The following A2ML1 variants were observed in gnomAD, a reference collection of about 807,000 sequenced individuals.
A2ML1 encodes alpha-2-macroglobulin like 1, also known as alpha-2-macroglobulin-like protein 1.
In A2ML1, 161 loss-of-function variants were observed where a neutral mutation model predicts 181.9. The ratio of observed to expected loss-of-function variants is 0.89; its 90% CI spans 0.78 to 1.01. A2ML1 has a LOEUF of 1.01. Ranked by LOEUF, A2ML1 falls within the 50% of genes least tolerant of loss-of-function variation. The pLI is 0.00. For synonymous variants in A2ML1, 663 were observed against 666.8 expected (o/e 0.99, Z 0.09); for missense variants, 1,670 against 1,768.1 (o/e 0.94, Z 1.00).
rs73040625 is a variant in A2ML1 at position 8,863,860 on chromosome 12, C to A, written c.3569C>A (p.Ala1190Glu). 4 of 1,614,178 alleles carry A rather than the reference C, an allele frequency of 2.5e-6. No homozygotes were observed. Among genetic ancestry groups the A allele is most frequent in the Middle Eastern group, 1.7e-4 (1 of 6,052 alleles). ...SSNASPWSEP[A>E]AVDVELTAYA... ...AACGCCAGCCCTTGGTCTGAGCCTG[C>A]GGCTGTAGATGTGGAACTCACAGCA... Residue 1190 changes from alanine to glutamate, a missense_variant, in exon 29 of 36, where the codon GCG (alanine) becomes GAG (glutamate). Ala to Glu is a moderately radical substitution (Grantham distance 107). Transcript: ENST00000299698.
chr12:8,861,459 C>T (rs1007566211), intron 28 of A2ML1, among the ~76,000 whole-genome samples, 162 bp downstream of exon 28: 5 of 152,106 alleles, frequency 3.3e-5, no homozygotes, highest in Non-Finnish European at 5.9e-5. Flanking sequence ...GAGAAACACA[C>T]GCAAGTGCTC....
At chr12:8,825,761 CTTGAT>C (rs1161204636) in intron 3 of A2ML1, among the ~76,000 whole-genome samples, 1 of 152,054 alleles carries the variant, frequency 6.6e-6, no homozygotes, top group African/African-American at 2.4e-5. Context: ...TCCATTTTGA[CTTGAT>C]TTTTCTATAT....
intron 10 of A2ML1, among the ~76,000 whole-genome samples, chr12:8,840,941 A>G (rs1394517092): frequency 6.7e-6 from 1 of 150,086 alleles, no homozygotes; most frequent in Non-Finnish European, 1.5e-5. Flanking sequence ...GAAGAAAGGA[A>G]GGAAAGAAGG....
chr12:8,870,359 C>T (rs1463582739), intron 33 of A2ML1, among the ~76,000 whole-genome samples: 1 of 152,276 alleles, frequency 6.6e-6, no homozygotes, highest in African/African-American at 2.4e-5. Flanking sequence ...GCTCTGCCTC[C>T]CGGGTTCATG....
At chr12:8,864,302 C>T (rs1192010196) in intron 29 of A2ML1, among the ~76,000 whole-genome samples, 1 of 31,852 alleles carries the variant, frequency 3.1e-5, no homozygotes, top group Admixed American at 4.8e-4. Context: ...CACCTGAGGT[C>T]AGGAGTTCGA....
At chr12:8,847,324 T>C (rs1005393965) in intron 14 of A2ML1, among the ~76,000 whole-genome samples, 7 of 151,986 alleles carry the variant, frequency 4.6e-5, no homozygotes, top group Non-Finnish European at 8.8e-5. Flanking sequence ...CTACTTTTTG[T>C]CTTCTAAACT....
intron 14 of A2ML1, among the ~76,000 whole-genome samples, chr12:8,846,976 C>T (rs367562265): frequency 2.0e-5 from 3 of 151,734 alleles, no homozygotes; most frequent in African/African-American, 7.2e-5. Context: ...CTCTTGTTGC[C>T]CAGGCTGGAG....
chr12:8,848,622 G>T, intron 15 of A2ML1, 98 bp from the exon 16 acceptor site: 1 of 883,796 alleles, frequency 1.1e-6, no homozygotes. Context: ...AAAGAGAAAT[G>T]ATACAGGAGT....
intron 9 of A2ML1, 65 bp downstream of exon 9, chr12:8,838,515 ATT>A (rs1943362199): frequency 6.2e-6 from 8 of 1,289,230 alleles, no homozygotes. Flanking sequence ...CCAGGGACAG[ATT>A]TACTCCAAGT....
chr12:8,836,403 T>A, intron 7 of A2ML1, 64 bp downstream of exon 7: 11 of 1,221,354 alleles, frequency 9.0e-6, no homozygotes, highest in South Asian at 1.2e-5. Context: ...GATGAGGGGA[T>A]GACATGGGAT....
intron 28 of A2ML1, among the ~76,000 whole-genome samples, chr12:8,861,698 A>G (rs1944272783): frequency 4.0e-5 from 6 of 151,718 alleles, no homozygotes; most frequent in Non-Finnish European, 8.8e-5. Context: ...CGTGTTAGCC[A>G]GGATGGTCTC....
In A2ML1 at chr12:8,855,559, C is replaced by T. The variant is rs1944034959; in HGVS notation, c.2815C>T (p.Pro939Ser). 3.1e-6 allele frequency: 5 copies of T among 1,614,092 alleles called. No homozygotes were observed. Among genetic ancestry groups the T allele is most frequent in the Non-Finnish European group, 4.2e-6 (5 of 1,180,010 alleles). Residue 939 changes from proline to serine, a missense_variant, in exon 23 of 36, where the codon CCT becomes TCT. Transcript: ENST00000299698. ...CCTGGAGCTCCCAGTGGACATTGTT[C>T]CTGACTCGACCAAGGCTTATGTTAC... Reference protein sequence around the residue: ...VSLELPVDIVPDSTKAYVTVL... With the variant: ...VSLELPVDIVSDSTKAYVTVL...
chr12:8,861,477 AT>A (rs1232080629), intron 28 of A2ML1, among the ~76,000 whole-genome samples, 180 bp downstream of exon 28: 1 of 152,034 alleles, frequency 6.6e-6, no homozygotes, highest in Non-Finnish European at 1.5e-5. Flanking sequence ...CTCAAAGGGC[AT>A]TTTTATACTT....
At chr12:8,836,922 G>A (rs921438055) in intron 7 of A2ML1, among the ~76,000 whole-genome samples, 2 of 152,160 alleles carry the variant, frequency 1.3e-5, no homozygotes, top group Admixed American at 6.5e-5. Flanking sequence ...TACTGTTTCC[G>A]TCCTTAGTAT....
chr12:8,834,924 T>C, intron 5 of A2ML1: 1 of 540,450 alleles, frequency 1.9e-6, no homozygotes, highest in Non-Finnish European at 3.3e-6. Flanking sequence ...TACACCGCTC[T>C]CTCATTCCCC....
intron 23 of A2ML1, among the ~76,000 whole-genome samples, chr12:8,856,751 C>T (rs1944075726): frequency 6.6e-6 from 1 of 152,086 alleles, no homozygotes; most frequent in South Asian, 2.1e-4. Flanking sequence ...TCGTACATAT[C>T]CAGTATGACA....
At position 8,849,768 on chromosome 12, in the gene A2ML1, C is replaced by T. The variant is rs1428382436; in HGVS notation, c.2119+9C>T. The T allele has an allele frequency of 2.5e-6, 4 of 1,612,066 alleles. No homozygotes were observed. Among genetic ancestry groups the T allele is most frequent in the African/African-American group, 1.3e-5 (1 of 74,890 alleles). ...CAGCACTGCTATGGGTGGTAAGCCACCTCTGTGGTCTGTGGATTCTCTGAG... is the reference window on the plus strand; with the variant it reads ...CAGCACTGCTATGGGTGGTAAGCCATCTCTGTGGTCTGTGGATTCTCTGAG... On this transcript the variant is annotated intron_variant, in intron 17 of 35. Coordinates refer to ENST00000299698, the MANE Select transcript of A2ML1 (RefSeq NM_144670.6).
rs191385304 is a variant in A2ML1 at position 8,842,311 on chromosome 12, C to A, written c.1248+775C>A. Among the ~76,000 whole-genome samples the A allele has an allele frequency of 5.7e-3, 862 of 151,974 alleles. 38 individuals are homozygous for A. The East Asian group carries it at 0.093, about 16-fold the overall frequency. On this transcript the variant is annotated intron_variant, in intron 11 of 35. Transcript: ENST00000299698. ...CGGCTCACTGCAAGCTCCGCCTCCC[C>A]GGTTCACGCCATTCTCCTGCCTCAG...
At chr12:8,873,696 A>G (rs1333177426) in intron 33 of A2ML1, among the ~76,000 whole-genome samples, 1 of 152,182 alleles carries the variant, frequency 6.6e-6, no homozygotes, top group East Asian at 1.9e-4. Flanking sequence ...CTCTTTTTAA[A>G]TAAGGTGTTC....
Sources: allele counts gnomAD v4.1 joint callset (sites outside exome capture counted in the v4.1 genomes callset), GRCh38; gene constraint gnomAD v4.1.1; transcripts MANE v1.5; gene names NCBI Gene and HGNC (gene_info 2026-07-23, HGNC 2026-07-21).